Variants in RERE observed in about 807,000 individuals in gnomAD.
The protein encoded by RERE is arginine-glutamic acid dipeptide repeats protein.
RERE carries 40 observed loss-of-function variants against 146.1 expected under a neutral mutation model. The observed-to-expected ratio is 0.27, with a 90% CI of 0.21 to 0.36. The LOEUF is 0.36. RERE is among the 10% of genes least tolerant of loss of function. RERE has a pLI of 1.00. For missense variants in RERE, 1,933 were observed against 2,138.7 expected (o/e 0.90, Z 1.90); for synonymous variants, 1,003 against 866.0 (o/e 1.16, Z -2.78).
intron 7 of RERE, among the ~76,000 whole-genome samples, chr1:8,524,040 A>C (rs2124349154): frequency 6.6e-6 from 1 of 152,372 alleles, no homozygotes; most frequent in East Asian, 1.9e-4. Flanking sequence ...AAAGTGGTGC[A>C]GTGTCCAGTT....
intron 10 of RERE, among the ~76,000 whole-genome samples, chr1:8,473,229 C>G (rs1644712186): frequency 6.6e-6 from 1 of 152,092 alleles, no homozygotes; most frequent in Non-Finnish European, 1.5e-5. Context: ...GGTGTCTAGC[C>G]CTCTTCTGCC....
intron 4 of RERE, among the ~76,000 whole-genome samples, chr1:8,588,428 G>A (rs894911838): frequency 3.3e-5 from 5 of 152,070 alleles, no homozygotes; most frequent in African/African-American, 4.8e-5. Context: ...ACCCCTCATC[G>A]AAGGGTCGTC....
intron 2 of RERE, among the ~76,000 whole-genome samples, chr1:8,645,240 C>T (rs1185468512): frequency 6.6e-6 from 1 of 152,180 alleles, no homozygotes; most frequent in Non-Finnish European, 1.5e-5. Context: ...CAATCAGGCA[C>T]TTTAGAAGAT....
chr1:8,763,331 C>T (rs1640788919), intron 1 of RERE, among the ~76,000 whole-genome samples: 1 of 152,078 alleles, frequency 6.6e-6, no homozygotes, highest in Non-Finnish European at 1.5e-5. Context: ...AGTTTCCATG[C>T]AGTATTAAAA....
intron 4 of RERE, among the ~76,000 whole-genome samples, chr1:8,575,862 T>G (rs950181771): frequency 1.3e-5 from 2 of 151,984 alleles, no homozygotes; most frequent in African/African-American, 2.4e-5. Flanking sequence ...AAATGAAAAC[T>G]GAGAAACATT....
chr1:8,365,250 C>T lies in RERE; in HGVS notation c.1448-412G>A, dbSNP rs561844915. Among the ~76,000 whole-genome samples the T allele has an allele frequency of 3.9e-5, 6 of 152,294 alleles. No homozygotes were observed. The East Asian group carries it at 9.7e-4, about 25-fold the overall frequency. On this transcript the variant is annotated intron_variant, in intron 13 of 22. Transcript: ENST00000400908. Reference sequence around the variant, plus strand: ...TTCTAGTCGCCTGCATGCGCAACACCGGCGCCCCTCAGGTTCAGCGTCCCG... The same window carrying T: ...TTCTAGTCGCCTGCATGCGCAACACTGGCGCCCCTCAGGTTCAGCGTCCCG...
chr1:8,451,126 A>T (rs538187996), intron 11 of RERE, among the ~76,000 whole-genome samples: 1 of 152,180 alleles, frequency 6.6e-6, no homozygotes, highest in African/African-American at 2.4e-5. Context: ...TATGTCAACA[A>T]TGCAGTCAAT....
At chr1:8,709,014 G>A (rs951524990) in intron 1 of RERE, among the ~76,000 whole-genome samples, 6 of 141,196 alleles carry the variant, frequency 4.2e-5, no homozygotes, top group South Asian at 2.3e-4. Context: ...CTGGGTTCAC[G>A]CCATTCTTCT....
chr1:8,738,399 T>C (rs148062246), intron 1 of RERE, among the ~76,000 whole-genome samples: 1,918 of 152,138 alleles, frequency 0.013, 14 homozygotes, highest in Non-Finnish European at 0.02. Context: ...TCTCCTGGGC[T>C]GGTCTCAAAC....
Position 8,809,520 on chromosome 1 carries a change from G to A in RERE, c.-145+7640C>T, listed in dbSNP as rs1641753764. On this transcript the variant is annotated intron_variant, in intron 1 of 22. Coordinates refer to ENST00000400908, the MANE Select transcript of RERE (RefSeq NM_001042681.2). ...TCCAGGGAACAGACAGTTGTGAAAC[G>A]AAAGTCAGCCTAAATAGATGGACCA... Among the ~76,000 whole-genome samples the A allele has an allele frequency of 1.3e-5, 2 of 152,150 alleles. 1 individual carries two copies. Among genetic ancestry groups the A allele is most frequent in the South Asian group, 4.1e-4 (2 of 4,828 alleles).
intron 6 of RERE, among the ~76,000 whole-genome samples, chr1:8,546,066 T>C (rs1557681000): frequency 7.3e-6 from 1 of 136,212 alleles, no homozygotes; most frequent in Non-Finnish European, 1.5e-5. Flanking sequence ...CTCAGCTCAC[T>C]GAAGACTCAA....
intron 8 of RERE, among the ~76,000 whole-genome samples, chr1:8,501,038 G>C (rs1288507731): frequency 2.2e-5 from 3 of 133,652 alleles, no homozygotes; most frequent in Admixed American, 1.4e-4. Context: ...GGGAGGGGGG[G>C]GGGGGGTCAG....
At chr1:8,715,624 G>A (rs1041594925) in intron 1 of RERE, among the ~76,000 whole-genome samples, 3 of 150,886 alleles carry the variant, frequency 2.0e-5, no homozygotes, top group Non-Finnish European at 3.0e-5. Context: ...AAGGTGACGG[G>A]CTGGCAAGGA....
In RERE at chr1:8,501,397, G is replaced by A. The variant is rs1308115772; in HGVS notation, c.880-3868C>T. On this transcript the variant is annotated intron_variant, in intron 8 of 22. Transcript: ENST00000400908. ...GAGGAAGGTGGGGGGTCAGCCCCCC[G>A]CCCGGCCAGCCGCCCCGTCCGGGAG... 7.0e-5 allele frequency among the ~76,000 whole-genome samples: 5 copies of A among 71,620 alleles called. 1 individual carries two copies. The highest frequency in any genetic ancestry group is 9.4e-4 in the South Asian group (2 of 2,138). The allele number at this position is 71,620 out of a possible 152,430, so 47.0% of individuals were successfully genotyped here.
In RERE at chr1:8,383,866, A is replaced by AAATAC. The variant is rs562548388; in HGVS notation, c.1285-17893_1285-17892insGTATT. Among the ~76,000 whole-genome samples, 485 of 32,982 alleles carry AAATAC rather than the reference A, an allele frequency of 0.015. 4 individuals carry two copies. In the Middle Eastern group the frequency reaches 0.28, roughly 19 times the overall value. 21.6% of individuals were successfully genotyped at this position (32,982 alleles called of 152,430 possible). On this transcript the variant is annotated intron_variant, in intron 12 of 22. Transcript: ENST00000400908. Reference sequence around the variant, plus strand: ...AAAGTGAGACTCTGTCTCAAAAAATAAATAAAATAAAATAAAATAAAATAA... The same window carrying AAATAC: ...AAAGTGAGACTCTGTCTCAAAAAATAAATACAATAAAATAAAATAAAATAAAATAA...
At chr1:8,446,714 A>G (rs301815) in intron 11 of RERE, among the ~76,000 whole-genome samples, 139,941 of 152,172 alleles carry the variant, frequency 0.92, 64,514 homozygotes, top group East Asian at 1. Context: ...TCGCTCTGTC[A>G]CCCAGGCTGG....
chr1:8,803,505 T>C (rs1641627385), intron 1 of RERE, among the ~76,000 whole-genome samples: 1 of 152,074 alleles, frequency 6.6e-6, no homozygotes, highest in Non-Finnish European at 1.5e-5. Flanking sequence ...CACTGTTCAT[T>C]ATCGACCATC....
intron 1 of RERE, among the ~76,000 whole-genome samples, chr1:8,749,519 C>T (rs775853507): frequency 1.3e-4 from 19 of 151,310 alleles, no homozygotes; most frequent in Non-Finnish European, 2.5e-4. Flanking sequence ...TATTGAAATG[C>T]GATCTAAATT....
At chr1:8,771,524 A>C (rs1269713645) in intron 1 of RERE, among the ~76,000 whole-genome samples, 2 of 21,466 alleles carry the variant, frequency 9.3e-5, no homozygotes, top group African/African-American at 4.0e-4. Context: ...ACTTGTTTCA[A>C]AAAAAAAAAA....
Sources: gnomAD v4.1 joint callset for allele counts (sites outside exome capture counted in the v4.1 genomes callset) on GRCh38, gnomAD v4.1.1 for gene constraint, MANE v1.5 for transcripts, NCBI Gene and HGNC (gene_info 2026-07-23, HGNC 2026-07-21) for gene names.